The following PLA2G3 variants were observed in gnomAD, a reference collection of about 807,000 sequenced individuals.
PLA2G3 encodes phospholipase A2 group III.
Under a neutral mutation model 51.3 loss-of-function variants are expected in PLA2G3, and 39 were observed. The ratio of observed to expected loss-of-function variants is 0.76; its 90% CI spans 0.59 to 0.99. PLA2G3 has a LOEUF of 0.99. Ranked by LOEUF, PLA2G3 falls within the 50% of genes least tolerant of loss-of-function variation. PLA2G3 has a pLI of 0.00. For missense variants in PLA2G3, 677 were observed against 662.1 expected (o/e 1.02, Z -0.25); for synonymous variants, 293 against 263.1 (o/e 1.11, Z -1.10).
chr22:31,140,484 G>C lies in PLA2G3; in HGVS notation c.-130C>G. 1.0e-6 allele frequency: 1 copy of C among 995,462 alleles called. No individual in the cohort carries two copies. Among genetic ancestry groups the C allele is most frequent in the Non-Finnish European group, 1.5e-6 (1 of 687,518 alleles). The allele number at this position is 995,462 out of a possible 1,614,324, so 61.7% of individuals were successfully genotyped here. On this transcript the variant is annotated 5_prime_UTR_variant, in exon 1 of 7. Transcript: ENST00000215885. ...CCCGGTGCGGCGGGACCAATGAATG[G>C]AGCTGCGGGAGGAGGAGGAAAGAGG...
At position 31,139,239 on chromosome 22, in the gene PLA2G3, C is replaced by T. The variant is rs1922757633; in HGVS notation, c.515-440G>A. On this transcript the variant is annotated intron_variant, in intron 1 of 6. Coordinates refer to ENST00000215885, the MANE Select transcript of PLA2G3 (RefSeq NM_015715.5). ...TACTCTGACTCAGGTGCCAAGCCCT[C>T]CCCCAACCCTGCACACAAACGCACA... 2.6e-5 allele frequency among the ~76,000 whole-genome samples: 4 copies of T among 152,200 alleles called. No homozygotes were observed. The South Asian group carries it at 8.3e-4, about 31-fold the overall frequency.
intron 2 of PLA2G3, 58 bp from the exon 3 acceptor site, chr22:31,138,468 A>G: frequency 6.3e-7 from 1 of 1,595,628 alleles, no homozygotes; most frequent in African/African-American, 1.3e-5. Context: ...GGCTCCTCCC[A>G]CAGCCCACTG....
intron 6 of PLA2G3, among the ~76,000 whole-genome samples, 164 bp from the exon 7 acceptor site, chr22:31,136,100 T>C (rs548651493): frequency 2.8e-4 from 42 of 152,282 alleles, no homozygotes; most frequent in South Asian, 1.0e-3. Flanking sequence ...TAAACCGGGC[T>C]GGTACCTGGA....
intron 1 of PLA2G3, 64 bp downstream of exon 1, chr22:31,139,777 T>G: frequency 8.5e-7 from 1 of 1,170,836 alleles, no homozygotes. Context: ...GAGTAAGGGC[T>G]GGGGCTGAAG....
chr22:31,137,024 GCAGACC>G lies in PLA2G3; in HGVS notation c.1077_1082del (p.Trp359_Val360del). 1 of 1,543,930 alleles carries G rather than the reference GCAGACC, an allele frequency of 6.5e-7. No individual in the cohort carries two copies. Among genetic ancestry groups the G allele is most frequent in the Non-Finnish European group, 8.7e-7 (1 of 1,143,986 alleles). ...GGTCCAGGTGGCGGCGGAAGCTGCG[GCAGACC>G]CAGCGGGCACCTGAGGGGTGGATGT... On this transcript the variant is annotated inframe_deletion, in exon 5 of 7. Transcript: ENST00000215885.
chr22:31,138,121 C>T, intron 3 of PLA2G3, 128 bp from the exon 4 acceptor site: 4 of 1,343,750 alleles, frequency 3.0e-6, no homozygotes, highest in South Asian at 1.4e-5. Context: ...TGGGGGACAC[C>T]CAAGGAGGGT....
intron 1 of PLA2G3, 52 bp downstream of exon 1, chr22:31,139,789 A>C: frequency 3.0e-6 from 4 of 1,341,910 alleles, no homozygotes; most frequent in Non-Finnish European, 4.2e-6. Flanking sequence ...GGGCTGAAGA[A>C]ACCTTGCTTC....
chr22:31,139,662 A>C (rs1901179704), intron 1 of PLA2G3, among the ~76,000 whole-genome samples, 179 bp downstream of exon 1: 1 of 152,072 alleles, frequency 6.6e-6, no homozygotes, highest in Non-Finnish European at 1.5e-5. Flanking sequence ...CCGTGACCTC[A>C]TTTAAGCACC....
At position 31,140,049 on chromosome 22, in the gene PLA2G3, G is replaced by C. The variant is rs756277183; in HGVS notation, c.306C>G (p.Pro102=). 6.2e-7 allele frequency: 1 copy of C among 1,613,450 alleles called. No homozygotes were observed. Among genetic ancestry groups the C allele is most frequent in the Admixed American group, 1.7e-5 (1 of 60,012 alleles). ...GAGTGGCCAGTGCTCTCTGCAGCTC[G>C]GGTCCGGGGGTGTGGATGAAGGAGC... The part of the protein sequence containing the change: ...AWGSFIHTPG[P]ELQRALATLQ... The change falls in exon 1 of 7, where the codon CCC becomes CCG. Residue 102 remains proline (P), a synonymous_variant. Coordinates refer to ENST00000215885, the MANE Select transcript of PLA2G3 (RefSeq NM_015715.5).
chr22:31,137,966 GA>G lies in PLA2G3; in HGVS notation c.809del (p.Leu270ProfsTer83). ...GGCRMYGTVP[L>X]ARLQPRTFYN... ...AGAAGGTCCTGGGCTGCAGGCGAGC[GA>G]GGGGCACTGTGCCGTACATCCTACA... On this transcript the variant is annotated frameshift_variant, in exon 4 of 7. Transcript: ENST00000215885. LOFTEE classifies it high-confidence loss of function. The G allele has an allele frequency of 6.3e-7, 1 of 1,589,250 alleles. No individual in the cohort carries two copies. The highest frequency in any genetic ancestry group is 8.6e-7 in the Non-Finnish European group (1 of 1,169,312).
chr22:31,135,654 G>T lies in PLA2G3; in HGVS notation c.*69C>A. ...CAGTCTAACCTACGGAGGGGAGGCT[G>T]AGATTCCCAAGGCTTGGCATAGCCA... On this transcript the variant is annotated 3_prime_UTR_variant, in exon 7 of 7. Coordinates refer to ENST00000215885, the MANE Select transcript of PLA2G3 (RefSeq NM_015715.5). 8.3e-7 allele frequency: 1 copy of T among 1,210,136 alleles called. No homozygotes were observed. The highest frequency in any genetic ancestry group is 1.2e-6 in the Non-Finnish European group (1 of 821,766). 75.0% of individuals were successfully genotyped at this position (1,210,136 alleles called of 1,614,324 possible). A position where few individuals can be genotyped will look rare whatever the true frequency, so the allele number is the denominator to read the frequency against.
intron 5 of PLA2G3, 30 bp from the exon 6 acceptor site, chr22:31,136,829 C>G (rs1331378313): frequency 6.2e-7 from 1 of 1,603,666 alleles, no homozygotes. Context: ...CAGGCCGGGG[C>G]AGGGCCTTGC....
At position 31,136,715 on chromosome 22, in the gene PLA2G3, C is replaced by T. The variant is rs1212156026; in HGVS notation, c.1284G>A (p.Leu428=). 21 of 1,613,308 alleles carry T rather than the reference C, an allele frequency of 1.3e-5. No homozygotes were observed. Among genetic ancestry groups the T allele is most frequent in the Non-Finnish European group, 1.6e-5 (19 of 1,179,790 alleles). ...CTTCCACACAGTCCAGTGGAGGGGC[C>T]AGCTTGAAGCAGGTTGTGCCCAGCA... ...WELLGTTCFK[L]APPLDCVEGK... The change falls in exon 6 of 7, where the codon CTG becomes CTA. Residue 428 remains leucine (L), a synonymous_variant. Transcript: ENST00000215885.
chr22:31,138,051 C>G (rs1922690882), intron 3 of PLA2G3, 58 bp from the exon 4 acceptor site: 1 of 1,496,578 alleles, frequency 6.7e-7, no homozygotes, highest in African/African-American at 1.4e-5. Context: ...CAGAAGCCCC[C>G]AGGGTCGTCT....
rs1244535151 is a variant in PLA2G3 at position 31,137,813 on chromosome 22, G to A, written c.963C>T (p.Pro321=). The stretch of plus-strand genomic sequence containing the variant: ...GGAGGGCTGTGGTGTTGGCTTTGCT[G>A]GGGCGCTTGGACCCTTTCTGATGTG... ...GPPHQKGSKR[P]SKANTTALQD... is the part of the protein sequence containing the mutation. Residue 321 remains proline (P), a synonymous_variant, in exon 4 of 7, where the codon CCC becomes CCT. Transcript: ENST00000215885. The A allele has an allele frequency of 6.2e-7, 1 of 1,614,074 alleles. No individual in the cohort carries two copies. Among genetic ancestry groups the A allele is most frequent in the African/African-American group, 1.3e-5 (1 of 75,032 alleles).
chr22:31,135,697 G>A lies in PLA2G3; in HGVS notation c.*26C>T, dbSNP rs978693363. The A allele has an allele frequency of 6.3e-7, 1 of 1,577,476 alleles. No homozygotes were observed. The highest frequency in any genetic ancestry group is 1.7e-5 in the Admixed American group (1 of 59,918). ...CATAGCCATGGGCAAGGTCCAGGCT[G>A]GTGCCCAGGAAAGCTGAAACTGAGG... On this transcript the variant is annotated 3_prime_UTR_variant, in exon 7 of 7. Coordinates refer to ENST00000215885, the MANE Select transcript of PLA2G3 (RefSeq NM_015715.5).
rs143194446 is a variant in PLA2G3, at chr22:31,140,106, G to A, written c.249C>T (p.Tyr83=). The change falls in exon 1 of 7, where the codon TAC becomes TAT. Residue 83 remains tyrosine, a synonymous_variant. Transcript: ENST00000215885. ...WEDEPELTAA[Y]GALCAHETAW... ...CAGTCTCATGAGCACAGAGAGCACC[G>A]TAGGCTGCGGTGAGCTCCGGCTCAT... 3.8e-5 allele frequency: 61 copies of A among 1,613,216 alleles called. No homozygotes were observed. In the African/African-American group the frequency reaches 4.0e-4, roughly 11 times the overall value.
chr22:31,138,720 A>G lies in PLA2G3; in HGVS notation c.594T>C (p.Tyr198=). The stretch of plus-strand genomic sequence containing the variant: ...TGTGGAATCGGTAGTTTCGGATGCC[A>G]TAGTTGTACTGCAAGGGTGAGATGT... The part of the protein sequence containing the change: ...PQNISPLQYN[Y]GIRNYRFHTI... Residue 198 remains tyrosine (Y), a synonymous_variant, in exon 2 of 7, where the codon TAT becomes TAC. Transcript: ENST00000215885. 2 of 1,614,120 alleles carry G rather than the reference A, an allele frequency of 1.2e-6. No homozygotes were observed. The highest frequency in any genetic ancestry group is 8.5e-7 in the Non-Finnish European group (1 of 1,180,002).
Position 31,138,428 on chromosome 22 carries a change from C to T in PLA2G3, c.648-18G>A, listed in dbSNP as rs758193891. 1.9e-6 allele frequency: 3 copies of T among 1,612,568 alleles called. No individual in the cohort carries two copies. The South Asian group carries it at 3.3e-5, about 18-fold the overall frequency. On this transcript the variant is annotated intron_variant, in intron 2 of 6. Transcript: ENST00000215885. ...GCTGAAACCTGCCCCAGAACAGATACCCAGGACCCTGGGGCATGGAGGGCT... is the reference window on the plus strand; with the variant it reads ...GCTGAAACCTGCCCCAGAACAGATATCCAGGACCCTGGGGCATGGAGGGCT...
Sources: allele counts gnomAD v4.1 joint callset (sites outside exome capture counted in the v4.1 genomes callset), GRCh38; gene constraint gnomAD v4.1.1; transcripts MANE v1.5; gene names NCBI Gene and HGNC (gene_info 2026-07-23, HGNC 2026-07-21).